The following GSE1 variants were observed in gnomAD, a reference collection of about 807,000 sequenced individuals.
GSE1 encodes genetic suppressor element 1.
In GSE1, 32 loss-of-function variants were observed where a neutral mutation model predicts 112.6. That is an observed-to-expected ratio of 0.28 (90% CI 0.21 to 0.38). GSE1 has a LOEUF of 0.38. GSE1 is among the 10% of genes least tolerant of loss of function. The probability of loss-of-function intolerance (pLI) is 1.00; values close to 1 mark genes in which losing one functional copy is unlikely to be tolerated. For synonymous variants in GSE1, 1,115 were observed against 735.6 expected (o/e 1.52, Z -8.35); for missense variants, 2,348 against 1,699.2 (o/e 1.38, Z -6.71).
intron 2 of GSE1, among the ~76,000 whole-genome samples, chr16:85,383,702 G>T (rs1297357356): frequency 6.6e-6 from 1 of 152,162 alleles, no homozygotes; most frequent in Non-Finnish European, 1.5e-5. Flanking sequence ...TTGGGGAGGG[G>T]AGCAGAGGCC....
intron 2 of GSE1, among the ~76,000 whole-genome samples, chr16:85,417,000 A>G (rs1024098509): frequency 9.9e-5 from 15 of 152,194 alleles, no homozygotes; most frequent in African/African-American, 3.6e-4. Flanking sequence ...GAGTACAGGC[A>G]CAAGCCACCA....
intron 1 of GSE1, chr16:85,594,975 G>A (rs1453786481): frequency 6.5e-6 from 1 of 153,308 alleles, no homozygotes; most frequent in Non-Finnish European, 1.5e-5. Flanking sequence ...AGGGGGCCAG[G>A]GGAACAGGCA....
intron 2 of GSE1, among the ~76,000 whole-genome samples, chr16:85,645,537 C>G (rs75264091): frequency 0.018 from 2,716 of 152,154 alleles, 105 homozygotes; most frequent in East Asian, 0.15. Context: ...TTTGGGAGAG[C>G]AAAGTTCTGT....
At chr16:85,528,708 T>G (rs2052448166) in intron 2 of GSE1, among the ~76,000 whole-genome samples, 1 of 152,046 alleles carries the variant, frequency 6.6e-6, no homozygotes, top group African/African-American at 2.4e-5. Context: ...GGAAGGGCCT[T>G]CTGATACCCT....
chr16:85,196,087 C>T (rs1323669569), intron 1 of GSE1, among the ~76,000 whole-genome samples: 3 of 152,170 alleles, frequency 2.0e-5, no homozygotes, highest in Non-Finnish European at 4.4e-5. Context: ...TGGGGAAAAA[C>T]GAGGGCTCTA....
intron 1 of GSE1, among the ~76,000 whole-genome samples, chr16:85,172,909 C>T (rs1361100470): frequency 1.3e-5 from 2 of 152,224 alleles, no homozygotes; most frequent in Admixed American, 6.5e-5. Flanking sequence ...CCATGATTTG[C>T]CCACCTCTCC....
rs1343102333 is a variant in GSE1, at chr16:85,225,592, G to T, written c.2283+53785G>T. Among the ~76,000 whole-genome samples the T allele has an allele frequency of 2.6e-5, 4 of 152,320 alleles. No homozygotes were observed. In the East Asian group the frequency reaches 5.8e-4, roughly 22 times the overall value. Reference sequence around the variant, plus strand: ...GGGTAGAGAGCTGCTGCAGGGGCTGGTGCGGTCACGGTCTTAGGGAATGCG... The same window carrying T: ...GGGTAGAGAGCTGCTGCAGGGGCTGTTGCGGTCACGGTCTTAGGGAATGCG... On this transcript the variant is annotated intron_variant, in intron 1 of 2. Transcript: ENST00000637419.
rs991558887 is a variant in GSE1 at position 85,613,505 on chromosome 16, G to T, written c.7+107G>T. The T allele has an allele frequency of 3.5e-5, 37 of 1,044,540 alleles. 1 individual carries two copies. The African/African-American group carries it at 6.1e-4, about 17-fold the overall frequency. The allele number at this position is 1,044,540 out of a possible 1,614,324, so 64.7% of individuals were successfully genotyped here. On this transcript the variant is annotated intron_variant, in intron 1 of 15. Transcript: ENST00000253458. The stretch of plus-strand genomic sequence containing the variant: ...GCGGGGGCGGCCGCCAACGGCTCCC[G>T]GGCAACTTCCCCGGAGTGTTAGCGG...
At chr16:85,335,064 G>C (rs2046454172) in intron 1 of GSE1, among the ~76,000 whole-genome samples, 1 of 152,208 alleles carries the variant, frequency 6.6e-6, no homozygotes, top group Non-Finnish European at 1.5e-5. Flanking sequence ...CCTGACCCTT[G>C]TTTGAGTTTC....
chr16:85,639,259 G>A (rs1045513271), intron 2 of GSE1, among the ~76,000 whole-genome samples: 3 of 152,208 alleles, frequency 2.0e-5, no homozygotes, highest in Admixed American at 6.5e-5. Flanking sequence ...CAGACTCCTC[G>A]GGTGGCACCG....
In GSE1 at chr16:85,633,981, C is replaced by A; in HGVS notation, c.75C>A (p.Thr25=). The change falls in exon 2 of 16, where the codon ACC becomes ACA. Residue 25 remains threonine (T), a synonymous_variant. Transcript: ENST00000253458. Reference sequence around the variant, plus strand: ...CCACCGCGACCAGGACCACCGCCACCGTCAACCCCCTCACCCCCTCGCCGC... The same window carrying A: ...CCACCGCGACCAGGACCACCGCCACAGTCAACCCCCTCACCCCCTCGCCGC... ...MLSTATRTTA[T]VNPLTPSPLN... 1.2e-6 allele frequency: 2 copies of A among 1,613,204 alleles called. No homozygotes were observed. The highest frequency in any genetic ancestry group is 1.3e-5 in the African/African-American group (1 of 75,050).
chr16:85,415,911 C>A (rs193227527), intron 2 of GSE1, among the ~76,000 whole-genome samples: 1 of 152,308 alleles, frequency 6.6e-6, no homozygotes, highest in East Asian at 1.9e-4. Flanking sequence ...GAACTTGTGG[C>A]GGACCCATCG....
At chr16:85,493,895 T>A (rs761724973) in intron 2 of GSE1, among the ~76,000 whole-genome samples, 3 of 149,828 alleles carry the variant, frequency 2.0e-5, no homozygotes, top group Non-Finnish European at 4.4e-5. Context: ...GCCTGCGCAA[T>A]ATAAGTGAGA....
chr16:85,453,629 C>T (rs2049744825), intron 2 of GSE1, among the ~76,000 whole-genome samples: 1 of 152,110 alleles, frequency 6.6e-6, no homozygotes. Flanking sequence ...CCCCATGAGA[C>T]CAGGCTCAGG....
intron 8 of GSE1, among the ~76,000 whole-genome samples, chr16:85,660,249 GA>G (rs1230021014): frequency 6.6e-6 from 1 of 152,202 alleles, no homozygotes; most frequent in Non-Finnish European, 1.5e-5. Flanking sequence ...ACCGAAACTG[GA>G]TCTGTCCCAG....
intron 2 of GSE1, among the ~76,000 whole-genome samples, chr16:85,506,612 C>G (rs2051542291): frequency 6.6e-6 from 1 of 152,046 alleles, no homozygotes; most frequent in Non-Finnish European, 1.5e-5. Flanking sequence ...AAAACGCACT[C>G]TCATGGGTCG....
chr16:85,515,872 C>T lies in GSE1; in HGVS notation c.2465-118042C>T, dbSNP rs1026856057. On this transcript the variant is annotated intron_variant, in intron 2 of 2. Transcript: ENST00000637419. ...TGCCTCTTCTGCCAAGGCCTTAAGC[C>T]TGCCTTTCCCCACCGGCTCTGGCCA... Among the ~76,000 whole-genome samples the T allele has an allele frequency of 3.3e-5, 5 of 152,166 alleles. No homozygotes were observed. The East Asian group carries it at 5.8e-4, about 18-fold the overall frequency.
intron 2 of GSE1, among the ~76,000 whole-genome samples, chr16:85,421,972 T>G (rs1042962881): frequency 6.6e-6 from 1 of 151,982 alleles, no homozygotes; most frequent in African/African-American, 2.4e-5. Flanking sequence ...CCCCTTGAGG[T>G]AGGTGTGATC....
At chr16:85,339,694 C>G (rs2046583778) in intron 1 of GSE1, among the ~76,000 whole-genome samples, 1 of 151,988 alleles carries the variant, frequency 6.6e-6, no homozygotes, top group South Asian at 2.1e-4. Flanking sequence ...CATTTTTCTT[C>G]TCTTTAAAAA....
Sources: gnomAD v4.1 joint callset for allele counts (sites outside exome capture counted in the v4.1 genomes callset) on GRCh38, gnomAD v4.1.1 for gene constraint, MANE v1.5 for transcripts, NCBI Gene and HGNC (gene_info 2026-07-23, HGNC 2026-07-21) for gene names.